The following DOCK8 variants were observed in gnomAD, a reference collection of about 807,000 sequenced individuals.
DOCK8 encodes dedicator of cytokinesis protein 8.
In DOCK8, 141 loss-of-function variants were observed where a neutral mutation model predicts 245.6. The observed-to-expected ratio is 0.57, with a 90% CI of 0.50 to 0.66. DOCK8 has a LOEUF of 0.66. DOCK8 is among the 30% of genes least tolerant of loss of function. The probability of loss-of-function intolerance (pLI) is 0.00; values close to 1 mark genes in which losing one functional copy is unlikely to be tolerated. For synonymous variants in DOCK8, 1,168 were observed against 970.2 expected (o/e 1.20, Z -3.79); for missense variants, 2,965 against 2,603.4 (o/e 1.14, Z -3.02).
At chr9:415,429 T>C (rs2055949555) in intron 29 of DOCK8, among the ~76,000 whole-genome samples, 1 of 152,188 alleles carries the variant, frequency 6.6e-6, no homozygotes, top group East Asian at 1.9e-4. Flanking sequence ...AATTCTATCA[T>C]AGCAGAGAAA....
At position 376,913 on chromosome 9, in the gene DOCK8, T is replaced by A. The variant is rs920519000; in HGVS notation, c.2206-64T>A. The A allele has an allele frequency of 4.2e-6, 6 of 1,424,440 alleles. No homozygotes were observed. The Admixed American group carries it at 1.1e-4, about 26-fold the overall frequency. The allele number at this position is 1,424,440 out of a possible 1,614,324, so 88.2% of individuals were successfully genotyped here. A position where few individuals can be genotyped will look rare whatever the true frequency, so the allele number is the denominator to read the frequency against. ...CCATAAAGAGCTATTCGATTGTGTTTGTGAATCCACTGGTGAACATTGATG... is the reference window on the plus strand; with the variant it reads ...CCATAAAGAGCTATTCGATTGTGTTAGTGAATCCACTGGTGAACATTGATG... On this transcript the variant is annotated intron_variant, in intron 19 of 47. Coordinates refer to ENST00000432829, the MANE Select transcript of DOCK8 (RefSeq NM_203447.4).
At chr9:445,062 G>C (rs1257236837) in intron 43 of DOCK8, among the ~76,000 whole-genome samples, 2 of 152,222 alleles carry the variant, frequency 1.3e-5, no homozygotes, top group African/African-American at 4.8e-5. Flanking sequence ...ACATTTTTCA[G>C]AATGCTTTCT....
intron 5 of DOCK8, among the ~76,000 whole-genome samples, chr9:311,347 C>G (rs533462108): frequency 8.0e-4 from 121 of 150,468 alleles, no homozygotes; most frequent in African/African-American, 2.8e-3. Context: ...GGGGTTCAAG[C>G]AGTCTTCCTA....
At chr9:443,887 G>A (rs936981926) in intron 43 of DOCK8, among the ~76,000 whole-genome samples, 5 of 152,160 alleles carry the variant, frequency 3.3e-5, no homozygotes, top group African/African-American at 9.7e-5. Context: ...AAGCAGCAGA[G>A]CCAGTACTCA....
At chr9:364,403 C>T (rs1223311506) in intron 14 of DOCK8, among the ~76,000 whole-genome samples, 2 of 152,084 alleles carry the variant, frequency 1.3e-5, no homozygotes, top group Non-Finnish European at 2.9e-5. Flanking sequence ...GAGGCCAAGG[C>T]AGGAGTATCA....
intron 33 of DOCK8, 58 bp downstream of exon 33, chr9:422,193 A>C: frequency 6.9e-7 from 1 of 1,455,720 alleles, no homozygotes; most frequent in Non-Finnish European, 9.6e-7. Flanking sequence ...TATTTTTCCC[A>C]GGCTGCTTGT....
intron 1 of DOCK8, among the ~76,000 whole-genome samples, chr9:226,651 C>G (rs899055833): frequency 6.6e-6 from 1 of 152,016 alleles, no homozygotes; most frequent in Non-Finnish European, 1.5e-5. Context: ...CAAGATGTCT[C>G]CAGGGTTGGA....
chr9:326,838 A>G (rs2050786252), intron 8 of DOCK8, among the ~76,000 whole-genome samples: 1 of 152,178 alleles, frequency 6.6e-6, no homozygotes, highest in South Asian at 2.1e-4. Context: ...AATTCACTGG[A>G]GAGAATTGAG....
chr9:419,302 C>G (rs1012508600), intron 30 of DOCK8, among the ~76,000 whole-genome samples: 3 of 152,178 alleles, frequency 2.0e-5, no homozygotes, highest in African/African-American at 7.2e-5. Flanking sequence ...GACAGTGAGG[C>G]AGGAAGATGA....
chr9:398,495 T>C (rs1022919452), intron 25 of DOCK8, among the ~76,000 whole-genome samples: 3 of 152,232 alleles, frequency 2.0e-5, no homozygotes, highest in African/African-American at 7.2e-5. Context: ...CCCAGATTGC[T>C]CTGAAGCACT....
chr9:451,639 C>T (rs1587100261), intron 45 of DOCK8, among the ~76,000 whole-genome samples: 1 of 151,534 alleles, frequency 6.6e-6, no homozygotes, highest in Non-Finnish European at 1.5e-5. Context: ...AAAAACAAAA[C>T]ACACACACAC....
intron 4 of DOCK8, among the ~76,000 whole-genome samples, chr9:298,618 A>AGAGTGTGT (rs112732647): frequency 6.9e-6 from 1 of 145,306 alleles, no homozygotes; most frequent in African/African-American, 2.6e-5. Context: ...CACATCTGTA[A>AGAGTGTGT]GTGTGTGTGT....
At chr9:224,356 T>A (rs113985682) in intron 1 of DOCK8, among the ~76,000 whole-genome samples, 7 of 152,280 alleles carry the variant, frequency 4.6e-5, no homozygotes, top group African/African-American at 1.7e-4. Context: ...AATACATGGT[T>A]TTAAAACACA....
intron 1 of DOCK8, among the ~76,000 whole-genome samples, chr9:246,552 A>T (rs1303070913): frequency 6.6e-6 from 1 of 152,106 alleles, no homozygotes; most frequent in African/African-American, 2.4e-5. Flanking sequence ...GTTCCCTTAG[A>T]TCCATTTTTT....
At chr9:293,592 G>A (rs1031002084) in intron 4 of DOCK8, among the ~76,000 whole-genome samples, 2 of 152,236 alleles carry the variant, frequency 1.3e-5, no homozygotes, top group Admixed American at 1.3e-4. Flanking sequence ...GCAGGAAGGT[G>A]TGCAACACCT....
chr9:212,355 AT>A (rs777883575), upstream of DOCK8, among the ~76,000 whole-genome samples: 2 of 152,178 alleles, frequency 1.3e-5, no homozygotes, highest in Non-Finnish European at 2.9e-5. Flanking sequence ...GAAGAGTTGT[AT>A]AAAGGTGAAA....
At chr9:425,754 C>G (rs2056473475) in intron 33 of DOCK8, among the ~76,000 whole-genome samples, 1 of 129,894 alleles carries the variant, frequency 7.7e-6, no homozygotes. Flanking sequence ...AAGACCCTGT[C>G]TCTAAGGAAA....
chr9:254,770 A>G (rs143850283), intron 1 of DOCK8, among the ~76,000 whole-genome samples: 1 of 152,330 alleles, frequency 6.6e-6, no homozygotes, highest in East Asian at 1.9e-4. Context: ...ATGATGAGAC[A>G]GGTTTCTCAG....
chr9:237,883 A>C (rs1386613795), intron 1 of DOCK8, among the ~76,000 whole-genome samples: 2 of 151,890 alleles, frequency 1.3e-5, no homozygotes, highest in Non-Finnish European at 2.9e-5. Flanking sequence ...AAAGTGATTA[A>C]TTTAGAATTC....
Sources: gnomAD v4.1 joint callset for allele counts (sites outside exome capture counted in the v4.1 genomes callset) on GRCh38, gnomAD v4.1.1 for gene constraint, MANE v1.5 for transcripts, NCBI Gene and HGNC (gene_info 2026-07-23, HGNC 2026-07-21) for gene names.